The following TTLL7 variants were observed in gnomAD, a reference collection of about 807,000 sequenced individuals.
TTLL7 encodes the protein tubulin polyglutamylase TTLL7.
In TTLL7, 53 loss-of-function variants were observed where a neutral mutation model predicts 120.2. The observed-to-expected ratio is 0.44, with a 90% CI of 0.35 to 0.55. TTLL7 has a LOEUF of 0.55. TTLL7 is among the 20% of genes least tolerant of loss of function. The pLI, the probability that TTLL7 is intolerant of heterozygous loss-of-function variation, is 0.00. For missense variants in TTLL7, 803 were observed against 1,054.7 expected, an observed-to-expected ratio of 0.76 and a Z score of 3.31; for synonymous variants, 353 against 351.7, an observed-to-expected ratio of 1.00 and a Z score of -0.04.
chr1:83,980,624 T>C (rs1247907778), intron 1 of TTLL7: 2 of 152,128 alleles, frequency 1.3e-5, no homozygotes, highest in African/African-American at 4.8e-5. Flanking sequence ...AGATGTCCCA[T>C]GAAAGAATGG....
intron 7 of TTLL7, among the ~76,000 whole-genome samples, chr1:83,941,085 A>G (rs1359914373): frequency 6.6e-6 from 1 of 151,980 alleles, no homozygotes; most frequent in Non-Finnish European, 1.5e-5. Flanking sequence ...TTTTGCCTGG[A>G]GCTCCATCCA....
intron 8 of TTLL7, 33 bp from the exon 9 acceptor site, chr1:83,933,799 C>T: frequency 6.3e-7 from 1 of 1,583,850 alleles, no homozygotes; most frequent in Non-Finnish European, 8.6e-7. Flanking sequence ...GTGAAAATGC[C>T]TTTGTATCTC....
At chr1:83,904,039 T>C in intron 18 of TTLL7, 40 bp downstream of exon 18, 2 of 1,503,092 alleles carry the variant, frequency 1.3e-6, no homozygotes, top group Non-Finnish European at 1.8e-6. Context: ...GCTTAATACA[T>C]AATCCAAGAG....
chr1:83,925,289 C>T (rs572204920), intron 10 of TTLL7, among the ~76,000 whole-genome samples: 10 of 152,302 alleles, frequency 6.6e-5, no homozygotes, highest in Non-Finnish European at 1.3e-4. Flanking sequence ...TCCCCCATTA[C>T]TTTTCTAAGC....
chr1:83,911,421 T>C, intron 14 of TTLL7, 58 bp from the exon 15 acceptor site: 1 of 1,365,652 alleles, frequency 7.3e-7, no homozygotes, highest in South Asian at 1.3e-5. Flanking sequence ...TTTATTGATA[T>C]GATTAGTTAC....
intron 1 of TTLL7, among the ~76,000 whole-genome samples, chr1:83,975,884 G>A (rs2100585070): frequency 6.6e-6 from 1 of 152,046 alleles, no homozygotes; most frequent in Middle Eastern, 3.4e-3. Context: ...ACCTCTAGAG[G>A]ATCATGAAAT....
At chr1:83,905,921 T>A (rs1657162901) in intron 17 of TTLL7, among the ~76,000 whole-genome samples, 1 of 151,996 alleles carries the variant, frequency 6.6e-6, no homozygotes, top group Admixed American at 6.6e-5. Context: ...CATTCAAATA[T>A]TCTTGACATT....
chr1:83,928,437 T>G (rs1029425101), intron 10 of TTLL7, among the ~76,000 whole-genome samples: 4 of 152,254 alleles, frequency 2.6e-5, no homozygotes, highest in Admixed American at 1.3e-4. Flanking sequence ...CAGTCAAACA[T>G]CTAAAAAATT....
chr1:83,924,464 C>T (rs1658940158), intron 10 of TTLL7, among the ~76,000 whole-genome samples: 1 of 152,088 alleles, frequency 6.6e-6, no homozygotes. Flanking sequence ...AAGCCAGTAA[C>T]AAAGGGACAA....
At chr1:83,876,153 A>C (rs1362954193) in intron 20 of TTLL7, among the ~76,000 whole-genome samples, 1 of 151,842 alleles carries the variant, frequency 6.6e-6, no homozygotes, top group African/African-American at 2.4e-5. Flanking sequence ...TTGTCCTAGA[A>C]CCATTGTTTA....
At chr1:83,896,495 T>G (rs1656235658) in intron 18 of TTLL7, among the ~76,000 whole-genome samples, 1 of 152,074 alleles carries the variant, frequency 6.6e-6, no homozygotes, top group Non-Finnish European at 1.5e-5. Flanking sequence ...GAAGGCGGTT[T>G]AGAAATAACA....
Position 83,929,115 on chromosome 1 carries a change from AAGAT to A in TTLL7, c.1142+17_1142+20del, listed in dbSNP as rs767220849. On this transcript the variant is annotated intron_variant, in intron 10 of 20. Coordinates refer to ENST00000260505, the MANE Select transcript of TTLL7 (RefSeq NM_024686.6). ...GTCAAATGTGGAGATAAATGTCCAAAAGATAGAGAGAGTATTTTACCTTATGTTT... is the reference window on the plus strand; with the variant it reads ...GTCAAATGTGGAGATAAATGTCCAAAAGAGAGAGTATTTTACCTTATGTTT... The A allele has an allele frequency of 3.2e-6, 5 of 1,542,224 alleles. No homozygotes were observed. Among genetic ancestry groups the A allele is most frequent in the African/African-American group, 1.4e-5 (1 of 72,714 alleles).
intron 1 of TTLL7, among the ~76,000 whole-genome samples, chr1:83,986,373 A>G (rs1652439978): frequency 6.6e-6 from 1 of 152,218 alleles, no homozygotes; most frequent in Non-Finnish European, 1.5e-5. Context: ...AAAATCATAC[A>G]TCCATATCAA....
At chr1:83,953,163 G>T (rs1381468170) in intron 1 of TTLL7, among the ~76,000 whole-genome samples, 2 of 152,092 alleles carry the variant, frequency 1.3e-5, no homozygotes, top group African/African-American at 2.4e-5. Context: ...ATTTGATCTG[G>T]CTACATCTCA....
At chr1:83,921,680 C>T (rs1005118278) in intron 10 of TTLL7, among the ~76,000 whole-genome samples, 1 of 152,116 alleles carries the variant, frequency 6.6e-6, no homozygotes, top group Non-Finnish European at 1.5e-5. Flanking sequence ...CAATTTACCA[C>T]TATACAATCT....
At chr1:83,930,457 T>C (rs181885496) in intron 9 of TTLL7, among the ~76,000 whole-genome samples, 1 of 152,266 alleles carries the variant, frequency 6.6e-6, no homozygotes, top group Admixed American at 6.5e-5. Flanking sequence ...GAGAAGGAAA[T>C]AGCTTGAAAA....
chr1:83,901,693 C>G (rs1656738985), intron 18 of TTLL7, among the ~76,000 whole-genome samples: 1 of 151,958 alleles, frequency 6.6e-6, no homozygotes, highest in Non-Finnish European at 1.5e-5. Flanking sequence ...CAACAGTGTA[C>G]TCTACGTGGC....
In TTLL7 at chr1:83,919,740, A is replaced by C; in HGVS notation, c.1459T>G (p.Ser487Ala). The stretch of plus-strand genomic sequence containing the variant: ...GGATTATTCAACTCTCGCTGGAATG[A>C]AGCTGCTCTTCCTGAAAGGAAGGTC... ...FQTFLSGRAA[S>A]FQRELNNPLK... Residue 487 changes from serine (S) to alanine (A), a missense_variant, in exon 13 of 21, where the codon TCA becomes GCA. Around this residue, in one of 3 missense-constraint regions of TTLL7, gnomAD observed 324 missense variants for 507.7 expected, o/e 0.64. Coordinates refer to ENST00000260505, the MANE Select transcript of TTLL7 (RefSeq NM_024686.6). The C allele has an allele frequency of 6.2e-7, 1 of 1,613,056 alleles. No individual in the cohort carries two copies. The highest frequency in any genetic ancestry group is 1.1e-5 in the South Asian group (1 of 91,010).
chr1:83,912,797 A>C (rs1657790809), intron 14 of TTLL7: 1 of 152,186 alleles, frequency 6.6e-6, no homozygotes, highest in Non-Finnish European at 1.5e-5. Flanking sequence ...TGATGGTCTA[A>C]TATTTACTAA....
Sources: allele counts gnomAD v4.1 joint callset (sites outside exome capture counted in the v4.1 genomes callset), GRCh38; gene constraint gnomAD v4.1.1; regional missense constraint gnomAD v4.1.1; transcripts MANE v1.5; gene names NCBI Gene and HGNC (gene_info 2026-07-23, HGNC 2026-07-21).